Variants in METAP1D observed in about 807,000 individuals in gnomAD.
METAP1D encodes methionine aminopeptidase 1D, mitochondrial.
A neutral mutation model predicts 40.5 loss-of-function variants in METAP1D; 31 were observed. The ratio of observed to expected loss-of-function variants is 0.77; its 90% confidence interval spans 0.58 to 1.03. METAP1D has a LOEUF of 1.03. Ranked by LOEUF, METAP1D falls within the 50% of genes least tolerant of loss-of-function variation. METAP1D has a pLI of 0.00. For missense variants in METAP1D, 411 were observed against 420.7 expected (o/e 0.98, Z 0.20); for synonymous variants, 151 against 146.4 (o/e 1.03, Z -0.22).
chr2:172,024,462 G>C (rs1689078663), intron 1 of METAP1D, among the ~76,000 whole-genome samples: 1 of 152,010 alleles, frequency 6.6e-6, no homozygotes, highest in African/African-American at 2.4e-5. Context: ...GAATAATTCT[G>C]AGAAACCCAA....
rs557997025 is a variant in METAP1D, at chr2:172,011,928, T to C, written c.40+11919T>C. On this transcript the variant is annotated intron_variant, in intron 1 of 9. Coordinates refer to ENST00000315796, the MANE Select transcript of METAP1D (RefSeq NM_199227.3). ...TAGATGCAGAGGGAAGCAAAGAAAC[T>C]GGTAAGGATGTGGTAAAATTACCAC... Among the ~76,000 whole-genome samples the C allele has an allele frequency of 3.9e-5, 6 of 152,356 alleles. No individual in the cohort carries two copies. The East Asian group carries it at 1.2e-3, about 29-fold the overall frequency.
rs61996337 is a variant in METAP1D, at chr2:172,070,913, T to C, written c.547T>C (p.Tyr183His). The C allele has an allele frequency of 1.0e-3, 1,603 of 1,608,182 alleles. 6 individuals carry two copies. Among genetic ancestry groups the C allele is most frequent in the Middle Eastern group, 6.1e-3 (37 of 6,040 alleles). The change falls in exon 6 of 10, where the codon TAC becomes CAC. Residue 183 changes from tyrosine (Y) to histidine (H), a missense_variant. By Grantham distance (83) the Tyr-to-His change is moderately conservative. Transcript: ENST00000315796. ...DIINIDVTVY[Y>H]NGYHGDTSET... ...AATTTCTGCTTATGTTTAGGTCTAT[T>C]ACAATGGCTACCATGGAGACACCTC...
intron 1 of METAP1D, among the ~76,000 whole-genome samples, chr2:172,021,098 A>G (rs1688995348): frequency 6.6e-6 from 1 of 152,198 alleles, no homozygotes; most frequent in African/African-American, 2.4e-5. Flanking sequence ...TTATTATTAA[A>G]AAAAATCCTA....
intron 1 of METAP1D, among the ~76,000 whole-genome samples, chr2:172,005,034 C>T (rs11903410): frequency 0.19 from 28,244 of 151,862 alleles, 3,853 homozygotes; most frequent in African/African-American, 0.37. Flanking sequence ...CCAGTCCTCC[C>T]ACCTCAACCT....
chr2:172,031,566 A>G (rs1182671659), intron 1 of METAP1D, among the ~76,000 whole-genome samples: 2 of 152,220 alleles, frequency 1.3e-5, no homozygotes, highest in Admixed American at 6.5e-5. Context: ...TCTCTTTTTG[A>G]GCACAATACC....
At chr2:172,041,724 T>TTTTA (rs1408486577) in intron 1 of METAP1D, among the ~76,000 whole-genome samples, 1 of 25,420 alleles carries the variant, frequency 3.9e-5, no homozygotes, top group African/African-American at 1.1e-4. Flanking sequence ...ACTCTAATTA[T>TTTTA]TTTATATATA....
intron 1 of METAP1D, among the ~76,000 whole-genome samples, chr2:172,044,465 T>C (rs1247916984): frequency 8.3e-6 from 1 of 120,822 alleles, no homozygotes. Context: ...CGTGGTGGCA[T>C]GCACCTGTAA....
intron 6 of METAP1D, among the ~76,000 whole-genome samples, chr2:172,076,650 T>G (rs1025119892): frequency 6.6e-6 from 1 of 152,272 alleles, no homozygotes; most frequent in African/African-American, 2.4e-5. Flanking sequence ...TGAAGCTGTC[T>G]TACAAGTCTG....
chr2:172,007,174 T>A (rs1183457223), intron 1 of METAP1D, among the ~76,000 whole-genome samples: 1 of 51,928 alleles, frequency 1.9e-5, no homozygotes, highest in Non-Finnish European at 7.1e-5. Flanking sequence ...AATTTTTTTT[T>A]TTTTTTTTTT....
At chr2:172,039,756 C>T (rs1689473079) in intron 1 of METAP1D, among the ~76,000 whole-genome samples, 1 of 151,010 alleles carries the variant, frequency 6.6e-6, no homozygotes, top group African/African-American at 2.4e-5. Flanking sequence ...CAACCTCCGC[C>T]TCCCGGGTTC....
chr2:172,079,619 C>G (rs1003123015), intron 8 of METAP1D, among the ~76,000 whole-genome samples: 3 of 152,164 alleles, frequency 2.0e-5, no homozygotes, highest in African/African-American at 7.2e-5. Flanking sequence ...CCGTTCCTGG[C>G]TGATCCTGTG....
rs1690412712 is a variant in METAP1D, at chr2:172,071,086, A to C, written c.704+16A>C. On this transcript the variant is annotated intron_variant, in intron 6 of 9. Coordinates refer to ENST00000315796, the MANE Select transcript of METAP1D (RefSeq NM_199227.3). ...ACACAATCAGGTAAGCCTTACATTG[A>C]CAAGTAAAGGGAGGGTTGGCAAATG... 6.3e-7 allele frequency: 1 copy of C among 1,590,880 alleles called. No homozygotes were observed. The highest frequency in any genetic ancestry group is 8.6e-7 in the Non-Finnish European group (1 of 1,168,526).
chr2:172,014,519 T>C (rs1244129735), intron 1 of METAP1D, among the ~76,000 whole-genome samples: 4 of 152,254 alleles, frequency 2.6e-5, no homozygotes, highest in African/African-American at 4.8e-5. Flanking sequence ...TTCAGAGGCA[T>C]AGCCTGCTTC....
intron 1 of METAP1D, among the ~76,000 whole-genome samples, chr2:172,058,466 A>T: frequency 6.6e-6 from 1 of 152,084 alleles, no homozygotes; most frequent in East Asian, 1.9e-4. Context: ...AGTTGACAAT[A>T]CTAGGGTTGG....
chr2:172,037,040 A>G (rs1480346214), intron 1 of METAP1D, among the ~76,000 whole-genome samples: 1 of 152,160 alleles, frequency 6.6e-6, no homozygotes, highest in Non-Finnish European at 1.5e-5. Flanking sequence ...TGGGCGGATC[A>G]CTTGAGGTCG....
chr2:172,012,323 G>A (rs1376456006), intron 1 of METAP1D, among the ~76,000 whole-genome samples: 2 of 152,120 alleles, frequency 1.3e-5, no homozygotes, highest in South Asian at 2.1e-4. Flanking sequence ...TCAGGACATC[G>A]CCCGAGCGCA....
chr2:172,008,994 C>T (rs1045798164), intron 1 of METAP1D, among the ~76,000 whole-genome samples: 1 of 151,352 alleles, frequency 6.6e-6, no homozygotes, highest in Non-Finnish European at 1.5e-5. Flanking sequence ...GATTTCATCA[C>T]GCTGTGCAGA....
intron 1 of METAP1D, among the ~76,000 whole-genome samples, chr2:172,036,549 T>C: frequency 6.6e-6 from 1 of 151,592 alleles, no homozygotes. Context: ...GTATTTTTAG[T>C]AGAGACGGGG....
chr2:172,011,285 C>CTTTTTT (rs367971854), intron 1 of METAP1D, among the ~76,000 whole-genome samples: 1 of 135,360 alleles, frequency 7.4e-6, no homozygotes. Context: ...CTTTCTGTTT[C>CTTTTTT]TTTTTTTTTT....
Sources: allele counts gnomAD v4.1 joint callset (sites outside exome capture counted in the v4.1 genomes callset), GRCh38; gene constraint gnomAD v4.1.1; transcripts MANE v1.5; gene names NCBI Gene and HGNC (gene_info 2026-07-23, HGNC 2026-07-21).